The following MATN2 variants were observed in gnomAD, a reference collection of about 807,000 sequenced individuals.
MATN2 encodes matrilin 2, also known as matrilin-2.
MATN2 carries 69 observed loss-of-function variants against 103.2 expected under a neutral mutation model. That is an observed-to-expected ratio of 0.67 (90% CI 0.55 to 0.82). MATN2 has a LOEUF of 0.82. Among genes scored for constraint, MATN2 ranks in the 40% least tolerant of loss-of-function variants. The pLI is 0.00. For missense variants in MATN2, 1,023 were observed against 1,211.5 expected (o/e 0.84, Z 2.31); for synonymous variants, 429 against 450.2 (o/e 0.95, Z 0.60).
chr8:97,926,165 C>G (rs994578953), intron 2 of MATN2, among the ~76,000 whole-genome samples: 1 of 152,124 alleles, frequency 6.6e-6, no homozygotes, highest in Admixed American at 6.5e-5. Flanking sequence ...CAGATCATCA[C>G]TTTATGGTTA....
At position 97,931,524 on chromosome 8, in the gene MATN2, T is replaced by C. The variant is rs1453052038; in HGVS notation, c.712+2T>C. The C allele has an allele frequency of 2.6e-5, 41 of 1,597,526 alleles. No individual in the cohort carries two copies. Among genetic ancestry groups the C allele is most frequent in the Non-Finnish European group, 3.5e-5 (41 of 1,173,032 alleles). ...CCGTGTTCCAGAAGAAGTTGTGCAGTAAGTCCTGCTCCTTTGTCACTCTTC... is the reference window on the plus strand; with the variant it reads ...CCGTGTTCCAGAAGAAGTTGTGCAGCAAGTCCTGCTCCTTTGTCACTCTTC... On this transcript the variant is annotated splice_donor_variant, in intron 3 of 18. Coordinates refer to ENST00000254898, the MANE Select transcript of MATN2 (RefSeq NM_002380.5). LOFTEE classifies it high-confidence loss of function. The surrounding 1 kb of genome is among the most constrained non-coding windows in gnomAD (Gnocchi z 4.1).
intron 1 of MATN2, among the ~76,000 whole-genome samples, chr8:97,876,417 G>A (rs1014093231): frequency 1.3e-5 from 2 of 151,692 alleles, no homozygotes; most frequent in African/African-American, 4.8e-5. Flanking sequence ...TTGAACTCCC[G>A]ACCTCAGGTG....
chr8:97,889,223 G>A (rs1818544077), intron 2 of MATN2, among the ~76,000 whole-genome samples: 1 of 151,880 alleles, frequency 6.6e-6, no homozygotes, highest in Admixed American at 6.6e-5. Context: ...TACAATCAGG[G>A]ACCACAGGGA....
chr8:97,945,836 C>T (rs1448535985), intron 4 of MATN2, among the ~76,000 whole-genome samples: 1 of 151,656 alleles, frequency 6.6e-6, no homozygotes, highest in South Asian at 2.1e-4. Context: ...GGCTATTAGA[C>T]TTCTGGCTTC....
chr8:97,905,622 T>G (rs944602402), intron 2 of MATN2, among the ~76,000 whole-genome samples: 5 of 152,220 alleles, frequency 3.3e-5, no homozygotes, highest in African/African-American at 1.2e-4. Context: ...GGCCACAGGT[T>G]GTTTTCACCT....
rs1812070710 is a variant in MATN2 at position 97,982,835 on chromosome 8, T to C, written c.1081+3827T>C. ...TGGTATTGTTATAAAACATACATAA[T>C]AGAAAATTTACCACTGTACTCATTC... On this transcript the variant is annotated intron_variant, in intron 6 of 18. Transcript: ENST00000254898. The surrounding 1 kb of genome is among the most constrained non-coding windows in gnomAD (Gnocchi z 4.3). Among the ~76,000 whole-genome samples the C allele has an allele frequency of 1.3e-5, 2 of 152,296 alleles. No homozygotes were observed. The highest frequency in any genetic ancestry group is 4.1e-4 in the South Asian group (2 of 4,830).
At chr8:97,965,697 A>C (rs1418280909) in intron 5 of MATN2, among the ~76,000 whole-genome samples, 1 of 151,906 alleles carries the variant, frequency 6.6e-6, no homozygotes, top group Non-Finnish European at 1.5e-5. Flanking sequence ...TTAGTTGGAC[A>C]TGGCTGGATG....
intron 1 of MATN2, among the ~76,000 whole-genome samples, chr8:97,872,879 C>T (rs868140614): frequency 3.3e-5 from 5 of 152,064 alleles, no homozygotes; most frequent in African/African-American, 1.2e-4. Context: ...ACTGCAGCCT[C>T]CGCCTCCCAG....
chr8:98,027,476 A>G lies in MATN2; in HGVS notation c.2003A>G (p.Glu668Gly), dbSNP rs759715579. 8 of 1,613,798 alleles carry G rather than the reference A, an allele frequency of 5.0e-6. No individual in the cohort carries two copies. The highest frequency in any genetic ancestry group is 4.4e-5 in the South Asian group (4 of 91,072). Residue 668 changes from glutamate to glycine, a missense_variant, in exon 14 of 19, where the codon GAA becomes GGA. Coordinates refer to ENST00000254898, the MANE Select transcript of MATN2 (RefSeq NM_002380.5). ...FVIDGSKSLG[E>G]ENFEVVKQFV... Reference sequence around the variant, plus strand: ...ATCGATGGATCCAAGAGTCTTGGAGAAGAGAATTTTGAGGTCGTGAAGCAG... The same window carrying G: ...ATCGATGGATCCAAGAGTCTTGGAGGAGAGAATTTTGAGGTCGTGAAGCAG...
intron 7 of MATN2, among the ~76,000 whole-genome samples, chr8:97,996,325 A>T (rs757206697): frequency 1.9e-4 from 29 of 152,334 alleles, no homozygotes; most frequent in Admixed American, 3.9e-4. Flanking sequence ...CAATGCAGGC[A>T]TCATTATCAT....
chr8:97,963,518 C>T lies in MATN2; in HGVS notation c.958+1988C>T, dbSNP rs189637108. On this transcript the variant is annotated intron_variant, in intron 5 of 18. Transcript: ENST00000254898. ...CGTGTGTAGTAGAGAACCTTTGTAT[C>T]TCTGAGGATTTTGCTGTAACTTTTG... Among the ~76,000 whole-genome samples, 13 of 152,304 alleles carry T rather than the reference C, an allele frequency of 8.5e-5. No homozygotes were observed. The East Asian group carries it at 2.5e-3, about 29-fold the overall frequency.
chr8:97,892,629 T>G (rs1158668323), intron 2 of MATN2, among the ~76,000 whole-genome samples: 4 of 152,204 alleles, frequency 2.6e-5, no homozygotes, highest in Admixed American at 2.6e-4. Context: ...TTGTGAATGT[T>G]CTTTGATACT....
In MATN2 at chr8:97,959,282, G is replaced by A. The variant is rs116049928; in HGVS notation, c.836-2126G>A. On this transcript the variant is annotated intron_variant, in intron 4 of 18. Coordinates refer to ENST00000254898, the MANE Select transcript of MATN2 (RefSeq NM_002380.5). ...TAACTCCTAGTAGGATACAAGCTGC[G>A]TGACAGCAGAAACCCCTTGTCTGTT... is the stretch of plus-strand genomic sequence containing the variant. Among the ~76,000 whole-genome samples the A allele has an allele frequency of 5.2e-3, 798 of 152,272 alleles. 11 individuals carry two copies. The highest frequency in any genetic ancestry group is 0.019 in the African/African-American group (771 of 41,550).
chr8:97,971,327 A>G (rs1305537863), intron 5 of MATN2, among the ~76,000 whole-genome samples: 1 of 152,230 alleles, frequency 6.6e-6, no homozygotes, highest in Admixed American at 6.5e-5. Flanking sequence ...TCCCTGAATT[A>G]TTACTGTGAC....
chr8:97,931,248 C>A lies in MATN2; in HGVS notation c.438C>A (p.Ile146=), dbSNP rs375276855. The A allele has an allele frequency of 1.2e-6, 2 of 1,613,782 alleles. No homozygotes were observed. The highest frequency in any genetic ancestry group is 1.7e-6 in the Non-Finnish European group (2 of 1,179,872). Residue 146 remains isoleucine, a synonymous_variant, in exon 3 of 19, where the codon ATC becomes ATA. Transcript: ENST00000254898. The surrounding 1 kb of genome is among the most constrained non-coding windows in gnomAD (Gnocchi z 4.1). ...TGGCCATCCAGTATGCCCTGAACAT[C>A]GCATTCTCAGAAGCAGAGGGGGCCC... ...TGLAIQYALN[I]AFSEAEGARP...
rs1377617417 is a variant in MATN2, at chr8:98,016,585, G to A, written c.1619G>A (p.Cys540Tyr). The change falls in exon 11 of 19, where the codon TGT becomes TAT. Residue 540 changes from cysteine to tyrosine, a missense_variant. Coordinates refer to ENST00000254898, the MANE Select transcript of MATN2 (RefSeq NM_002380.5). Reference sequence around the variant, plus strand: ...GGGGACCACGGTTGTGAACATTCGTGTGTAAGCAGTGAAGATTCGTTTGTG... The same window carrying A: ...GGGGACCACGGTTGTGAACATTCGTATGTAAGCAGTGAAGATTCGTTTGTG... ...ALGDHGCEHS[C>Y]VSSEDSFVCQ... is the part of the protein sequence containing the mutation. The A allele has an allele frequency of 2.5e-6, 4 of 1,611,452 alleles. No homozygotes were observed. In the East Asian group the frequency reaches 6.7e-5, roughly 27 times the overall value.
At chr8:97,873,456 C>T (rs1007573949) in intron 1 of MATN2, among the ~76,000 whole-genome samples, 1 of 151,914 alleles carries the variant, frequency 6.6e-6, no homozygotes, top group Non-Finnish European at 1.5e-5. Context: ...TCAGGTGATC[C>T]TCCTACCTCA....
At chr8:98,014,295 G>A (rs1212833803) in intron 10 of MATN2, among the ~76,000 whole-genome samples, 1 of 148,828 alleles carries the variant, frequency 6.7e-6, no homozygotes, top group East Asian at 2.0e-4. Flanking sequence ...TCACGGTAGG[G>A]GGAAAAAAAA....
intron 13 of MATN2, among the ~76,000 whole-genome samples, chr8:98,021,721 G>T (rs1490667068): frequency 6.6e-6 from 1 of 150,830 alleles, no homozygotes; most frequent in Non-Finnish European, 1.5e-5. Context: ...AGTCTTGAGA[G>T]AATTATTTTT....
Sources: allele counts gnomAD v4.1 joint callset (sites outside exome capture counted in the v4.1 genomes callset), GRCh38; gene constraint gnomAD v4.1.1; non-coding constraint Gnocchi (gnomAD v3.1); transcripts MANE v1.5; gene names NCBI Gene and HGNC (gene_info 2026-07-23, HGNC 2026-07-21).